Variants in GLB1 observed in about 807,000 individuals in gnomAD.
GLB1 encodes the protein beta-galactosidase.
GLB1 carries 56 observed loss-of-function variants against 74.0 expected under a neutral mutation model. The ratio of observed to expected loss-of-function variants is 0.76; its 90% CI spans 0.61 to 0.94. The LOEUF (loss-of-function observed/expected upper bound fraction) is 0.94, where lower values mean the gene tolerates loss of function less well. Among genes scored for constraint, GLB1 ranks in the 40% least tolerant of loss-of-function variants. The pLI is 0.00. For synonymous variants in GLB1, 323 were observed against 323.6 expected (o/e 1.00, Z 0.02); for missense variants, 787 against 845.5 (o/e 0.93, Z 0.86).
the GLB1 span, among the ~76,000 whole-genome samples, chr3:32,972,719 C>G: frequency 1.3e-5 from 2 of 152,118 alleles, no homozygotes; most frequent in Non-Finnish European, 2.9e-5. Context: ...CTATTAACAC[C>G]TCTGTTATAA....
chr3:33,075,940 G>A (rs1351441304), intron 1 of GLB1, among the ~76,000 whole-genome samples: 2 of 151,904 alleles, frequency 1.3e-5, no homozygotes, highest in African/African-American at 4.8e-5. Context: ...AGCTACACAG[G>A]AGGCTGAGGC....
chr3:33,037,195 G>A (rs943749350), intron 10 of GLB1, among the ~76,000 whole-genome samples: 3 of 151,840 alleles, frequency 2.0e-5, no homozygotes, highest in Non-Finnish European at 4.4e-5. Flanking sequence ...ACAGGTGTGC[G>A]CCACCATGCC....
At chr3:33,048,653 T>C (rs539313065) in intron 9 of GLB1, among the ~76,000 whole-genome samples, 10 of 152,192 alleles carry the variant, frequency 6.6e-5, no homozygotes, top group Admixed American at 1.3e-4. Context: ...AGACTGGCCT[T>C]CTCTCACTTC....
chr3:33,092,614 A>C (rs1014357778), intron 1 of GLB1: 24 of 1,360,254 alleles, frequency 1.8e-5, no homozygotes, highest in Non-Finnish European at 4.7e-6. Context: ...TGATCTCACA[A>C]GTGCATCAAA....
At chr3:33,026,436 G>A (rs1470545415) in intron 10 of GLB1, among the ~76,000 whole-genome samples, 9 of 152,320 alleles carry the variant, frequency 5.9e-5, no homozygotes, top group South Asian at 4.1e-4. Flanking sequence ...GCCTGTAGGC[G>A]TCCCTTGGCA....
At chr3:33,033,816 G>A (rs967134539) in intron 10 of GLB1, 4 of 320,800 alleles carry the variant, frequency 1.2e-5, no homozygotes, top group Middle Eastern at 1.1e-3. Flanking sequence ...GGAATGGGGA[G>A]GCACCACCAG....
chr3:33,097,073 G>C lies in GLB1; in HGVS notation c.13C>G (p.Leu5Val). 1 of 1,612,586 alleles carries C rather than the reference G, an allele frequency of 6.2e-7. No homozygotes were observed. Among genetic ancestry groups the C allele is most frequent in the Non-Finnish European group, 8.5e-7 (1 of 1,179,086 alleles). ...AGCAACAGAGGGAGGATGCGAACCA[G>C]GAACCCCGGCATGACCACCAGCCTC... MPGF[L>V]VRILPLLLVL... Residue 5 changes from leucine (L) to valine (V), a missense_variant, in exon 1 of 16, where the codon CTG becomes GTG. Leu to Val is a conservative substitution (Grantham distance 32). Coordinates refer to ENST00000307363, the MANE Select transcript of GLB1 (RefSeq NM_000404.4).
chr3:33,069,510 T>C (rs1475155335), intron 2 of GLB1, among the ~76,000 whole-genome samples: 1 of 152,210 alleles, frequency 6.6e-6, no homozygotes, highest in African/African-American at 2.4e-5. Flanking sequence ...CTTCCTTCAT[T>C]CTCCAGGGGA....
intron 9 of GLB1, 143 bp downstream of exon 9, chr3:33,051,615 A>AAAAAAAAAAAAAAAAAAG (rs764769471): frequency 3.5e-6 from 4 of 1,149,446 alleles, no homozygotes; most frequent in African/African-American, 1.7e-5. Context: ...AAAAAAAAAA[A>AAAAAAAAAAAAAAAAAAG]AAAAGAAAAA....
In GLB1 at chr3:33,016,812, T is replaced by G. The variant is rs769139481; in HGVS notation, c.1376A>C (p.Asn459Thr). The stretch of plus-strand genomic sequence containing the variant: ...CCCTGTTATGTTCAGAGTGATCACA[T>G]TGTTTCGCTCAAGGACTCCCTGGGG... The part of the protein sequence containing the change: ...GIPQGVLERN[N>T]VITLNITGKA... The change falls in exon 14 of 16, where the codon AAT (asparagine) becomes ACT (threonine). Residue 459 changes from asparagine to threonine, a missense_variant. Asn to Thr is a moderately conservative substitution (Grantham distance 65). Coordinates refer to ENST00000307363, the MANE Select transcript of GLB1 (RefSeq NM_000404.4). 6.2e-7 allele frequency: 1 copy of G among 1,614,106 alleles called. No individual in the cohort carries two copies. The highest frequency in any genetic ancestry group is 2.2e-5 in the East Asian group (1 of 44,880).
chr3:33,036,598 T>C (rs1222692193), intron 10 of GLB1, among the ~76,000 whole-genome samples: 1 of 152,062 alleles, frequency 6.6e-6, no homozygotes, highest in African/African-American at 2.4e-5. Context: ...ATTATTCAAA[T>C]AGCCAAAAGA....
At chr3:33,091,420 C>G (rs1424694638) in intron 1 of GLB1, 9 of 985,414 alleles carry the variant, frequency 9.1e-6, no homozygotes, top group Non-Finnish European at 1.2e-6. Context: ...TTTGACACAT[C>G]ACCTGCCCCA....
chr3:33,078,352 G>C (rs572063538), intron 1 of GLB1, among the ~76,000 whole-genome samples: 5 of 152,346 alleles, frequency 3.3e-5, no homozygotes, highest in African/African-American at 1.2e-4. Flanking sequence ...AAAACCATTA[G>C]AAACACTGAT....
At chr3:32,978,598 A>G in the GLB1 span, among the ~76,000 whole-genome samples, 4 of 152,146 alleles carry the variant, frequency 2.6e-5, no homozygotes, top group Non-Finnish European at 5.9e-5. Flanking sequence ...CGGCAGAGAG[A>G]GGCAGCAGTG....
intron 4 of GLB1, 37 bp from the exon 5 acceptor site, chr3:33,065,594 AC>A: frequency 6.4e-7 from 1 of 1,551,300 alleles, no homozygotes; most frequent in Non-Finnish European, 8.7e-7. Context: ...AGCTTGTCCA[AC>A]CCCAGCCTGT....
chr3:32,969,154 C>T, the GLB1 span, among the ~76,000 whole-genome samples: 2 of 152,098 alleles, frequency 1.3e-5, no homozygotes, highest in Non-Finnish European at 2.9e-5. Context: ...AAAGGGAGTC[C>T]GTCGTGCTGG....
At chr3:33,094,340 TAG>T in intron 1 of GLB1, 1 of 1,454,006 alleles carries the variant, frequency 6.9e-7, no homozygotes, top group Non-Finnish European at 9.1e-7. Flanking sequence ...TGTGGGATAT[TAG>T]AGTGTCCTTG....
At chr3:32,968,612 A>T in the GLB1 span, among the ~76,000 whole-genome samples, 3 of 152,336 alleles carry the variant, frequency 2.0e-5, no homozygotes, top group South Asian at 6.2e-4. Flanking sequence ...GTTCTGCTGC[A>T]TTTAGATCCC....
At chr3:32,981,638 A>G in the GLB1 span, among the ~76,000 whole-genome samples, 1 of 151,454 alleles carries the variant, frequency 6.6e-6, no homozygotes, top group African/African-American at 2.4e-5. Flanking sequence ...GCCAGGCGTC[A>G]TGGCGCATGT....
Sources: allele counts gnomAD v4.1 joint callset (sites outside exome capture counted in the v4.1 genomes callset), GRCh38; gene constraint gnomAD v4.1.1; transcripts MANE v1.5; gene names NCBI Gene and HGNC (gene_info 2026-07-23, HGNC 2026-07-21).